Variants in CARM1 observed in about 807,000 individuals in gnomAD.
CARM1 encodes coactivator associated arginine methyltransferase 1.
CARM1 carries 14 observed loss-of-function variants against 72.7 expected under a neutral mutation model. The ratio of observed to expected loss-of-function variants is 0.19; its 90% CI spans 0.13 to 0.30. CARM1 has a LOEUF of 0.30. Ranked by LOEUF, CARM1 falls within the 10% of genes least tolerant of loss-of-function variation. The probability of loss-of-function intolerance (pLI) is 1.00; values close to 1 mark genes in which losing one functional copy is unlikely to be tolerated. For synonymous variants in CARM1, 333 were observed against 345.5 expected (o/e 0.96, Z 0.40); for missense variants, 432 against 833.7 (o/e 0.52, Z 5.93).
At chr19:10,904,924 C>G in intron 1 of CARM1, 27 bp from the exon 2 acceptor site, 1 of 1,612,740 alleles carries the variant, frequency 6.2e-7, no homozygotes, top group African/African-American at 1.3e-5. Context: ...GGCTGCACCG[C>G]TCACGCCAGC....
intron 1 of CARM1, among the ~76,000 whole-genome samples, chr19:10,898,682 C>T (rs2074041681): frequency 6.6e-6 from 1 of 152,254 alleles, no homozygotes; most frequent in African/African-American, 2.4e-5. Context: ...TGAATCGCCA[C>T]TGCTGGATCC....
intron 1 of CARM1, among the ~76,000 whole-genome samples, chr19:10,888,021 G>A (rs2073954210): frequency 6.6e-6 from 1 of 152,218 alleles, no homozygotes; most frequent in South Asian, 2.1e-4. Flanking sequence ...CCCCTCAGCA[G>A]CCTGGGGTCT....
At chr19:10,883,470 C>T (rs909541296) in intron 1 of CARM1, among the ~76,000 whole-genome samples, 4 of 152,218 alleles carry the variant, frequency 2.6e-5, no homozygotes, top group South Asian at 2.1e-4. Context: ...GGGAGCTTCA[C>T]GTTTCAGTCT....
At chr19:10,905,225 GC>G in intron 2 of CARM1, 149 bp downstream of exon 2, 1 of 970,818 alleles carries the variant, frequency 1.0e-6, no homozygotes, top group African/African-American at 1.6e-5. Context: ...ATGCAGGTAT[GC>G]CCAGAATACA....
chr19:10,906,902 T>G (rs1427661737), intron 2 of CARM1, among the ~76,000 whole-genome samples: 4 of 148,744 alleles, frequency 2.7e-5, no homozygotes, highest in African/African-American at 9.9e-5. Context: ...TTTATTTTAT[T>G]TTATTTTATT....
intron 1 of CARM1, among the ~76,000 whole-genome samples, chr19:10,877,511 C>T (rs749866507): frequency 4.6e-5 from 7 of 152,124 alleles, no homozygotes; most frequent in Admixed American, 3.3e-4. Flanking sequence ...TAACCTCCAC[C>T]TCCCAGGTTC....
intron 1 of CARM1, among the ~76,000 whole-genome samples, chr19:10,876,729 T>C (rs2073867481): frequency 6.6e-6 from 1 of 152,248 alleles, no homozygotes; most frequent in Non-Finnish European, 1.5e-5. Flanking sequence ...CTTCCTGGGC[T>C]TGAGGAAGCT....
intron 1 of CARM1, among the ~76,000 whole-genome samples, chr19:10,872,863 G>GA (rs1344793905): frequency 7.9e-5 from 12 of 152,000 alleles, no homozygotes; most frequent in Admixed American, 2.0e-4. Flanking sequence ...CTGATGCCCT[G>GA]GGGAACCCCT....
rs978469139 is a variant in CARM1, at chr19:10,909,223, A to C, written c.558+16A>C. The C allele has an allele frequency of 6.6e-7, 1 of 1,517,556 alleles. No individual in the cohort carries two copies. Among genetic ancestry groups the C allele is most frequent in the Non-Finnish European group, 9.1e-7 (1 of 1,093,044 alleles). The allele number at this position is 1,517,556 out of a possible 1,614,324, so 94.0% of individuals were successfully genotyped here. A position where few individuals can be genotyped will look rare whatever the true frequency, so the allele number is the denominator to read the frequency against. ...CAAGGACAAGGTGAGTGGCCCGCGC[A>C]TGTGCCCACCTCTCTGCTTCTGTCT... On this transcript the variant is annotated intron_variant, in intron 4 of 15. Coordinates refer to ENST00000327064, the MANE Select transcript of CARM1 (RefSeq NM_199141.2).
rs2074263604 is a variant in CARM1 at position 10,922,148 on chromosome 19, C to T, written c.*391C>T. On this transcript the variant is annotated 3_prime_UTR_variant, in exon 16 of 16. Coordinates refer to ENST00000327064, the MANE Select transcript of CARM1 (RefSeq NM_199141.2). ...GGAAGGTAGCCTGGCCAGGCGGGGC[C>T]TCCCCTTCGACGACCAGGCCTCGGT... The T allele has an allele frequency of 5.8e-6, 1 of 173,410 alleles. No homozygotes were observed. The highest frequency in any genetic ancestry group is 1.6e-4 in the East Asian group (1 of 6,312). The allele number at this position is 173,410 out of a possible 1,614,324, so 10.7% of individuals were successfully genotyped here. A position where few individuals can be genotyped will look rare whatever the true frequency, so the allele number is the denominator to read the frequency against.
At position 10,912,288 on chromosome 19, in the gene CARM1, C is replaced by G; in HGVS notation, c.663C>G (p.His221Gln). 1 of 1,612,224 alleles carries G rather than the reference C, an allele frequency of 6.2e-7. No individual in the cohort carries two copies. The highest frequency in any genetic ancestry group is 8.5e-7 in the Non-Finnish European group (1 of 1,178,416). Residue 221 changes from histidine (H) to glutamine (Q), a missense_variant, in exon 5 of 16, where the codon CAC (histidine) becomes CAG (glutamine). Physicochemically the swap from His to Gln is conservative, Grantham distance 24. Around this residue, in one of 3 missense-constraint regions of CARM1, gnomAD observed 152 missense variants for 452.8 expected, o/e 0.34. Transcript: ENST00000327064. The surrounding 1 kb of genome is among the most constrained non-coding windows in gnomAD (Gnocchi z 4.5). ...YAVEASTMAQ[H>Q]AEVLVKSNNL... is the part of the protein sequence containing the mutation. ...TGGAGGCCAGCACCATGGCCCAGCA[C>G]GCTGAGGTCAGTGGCCCGCTGGTGC...
chr19:10,882,534 C>CTTTTTTT (rs869046901), intron 1 of CARM1, among the ~76,000 whole-genome samples: 6 of 85,962 alleles, frequency 7.0e-5, no homozygotes, highest in Admixed American at 2.8e-4. Flanking sequence ...TGCACTCTGT[C>CTTTTTTT]TTTTTTTTTT....
At chr19:10,895,969 G>A (rs542791256) in intron 1 of CARM1, among the ~76,000 whole-genome samples, 3 of 152,162 alleles carry the variant, frequency 2.0e-5, no homozygotes, top group Non-Finnish European at 4.4e-5. Context: ...TCTTGACCGG[G>A]AGAGAGTGTT....
At position 10,896,917 on chromosome 19, in the gene CARM1, G is replaced by A. The variant is rs139861698; in HGVS notation, c.221-8034G>A. On this transcript the variant is annotated intron_variant, in intron 1 of 15. Transcript: ENST00000327064. The surrounding 1 kb of genome is among the most constrained non-coding windows in gnomAD (Gnocchi z 5.2). Reference sequence around the variant, plus strand: ...ATGCTGAGGGTCCAGCCTCTGCTCTGCACCTGTAATCCTTCCGGGTTTTGC... The same window carrying A: ...ATGCTGAGGGTCCAGCCTCTGCTCTACACCTGTAATCCTTCCGGGTTTTGC... 6.4e-3 allele frequency among the ~76,000 whole-genome samples: 970 copies of A among 152,286 alleles called. 4 individuals are homozygous for A. Among genetic ancestry groups the A allele is most frequent in the Non-Finnish European group, 9.2e-3 (624 of 68,018 alleles).
Position 10,921,763 on chromosome 19 carries a change from C to G in CARM1, c.*6C>G. ...CCATGCACTACGGGAGCTAGGGGCC[C>G]GCCCCGCGGACTGACAGCACCAGGA... On this transcript the variant is annotated 3_prime_UTR_variant, in exon 16 of 16. Coordinates refer to ENST00000327064, the MANE Select transcript of CARM1 (RefSeq NM_199141.2). 1 of 1,582,030 alleles carries G rather than the reference C, an allele frequency of 6.3e-7. No individual in the cohort carries two copies. The highest frequency in any genetic ancestry group is 8.6e-7 in the Non-Finnish European group (1 of 1,159,664).
intron 9 of CARM1, 44 bp from the exon 10 acceptor site, chr19:10,919,833 C>A (rs749831821): frequency 6.5e-7 from 1 of 1,542,236 alleles, no homozygotes; most frequent in Non-Finnish European, 9.0e-7. Flanking sequence ...CTCTCGGCAG[C>A]GCCTGTCTGG....
At chr19:10,889,151 A>AG (rs1387516895) in intron 1 of CARM1, among the ~76,000 whole-genome samples, 1 of 152,118 alleles carries the variant, frequency 6.6e-6, no homozygotes, top group Non-Finnish European at 1.5e-5. Context: ...AGTCTGGGGC[A>AG]GGGGGAAAGG....
At chr19:10,897,817 G>C (rs1298390941) in intron 1 of CARM1, among the ~76,000 whole-genome samples, 1 of 152,094 alleles carries the variant, frequency 6.6e-6, no homozygotes, top group South Asian at 2.1e-4. Context: ...GTGAAACCCT[G>C]TCTCTAGGCT....
At chr19:10,897,881 G>A (rs148893602) in intron 1 of CARM1, among the ~76,000 whole-genome samples, 1,872 of 152,120 alleles carry the variant, frequency 0.012, 36 homozygotes, top group African/African-American at 0.043. Flanking sequence ...TGAGGCAGGC[G>A]GATCACGAGG....
Sources: allele counts gnomAD v4.1 joint callset (sites outside exome capture counted in the v4.1 genomes callset), GRCh38; gene constraint gnomAD v4.1.1; regional missense constraint gnomAD v4.1.1; non-coding constraint Gnocchi (gnomAD v3.1); transcripts MANE v1.5; gene names NCBI Gene and HGNC (gene_info 2026-07-23, HGNC 2026-07-21).